The following RANBP2 variants were observed in gnomAD, a reference collection of about 807,000 sequenced individuals.
RANBP2 encodes the protein E3 SUMO-protein ligase RanBP2.
Under a neutral mutation model 303.6 loss-of-function variants are expected in RANBP2, and 57 were observed. The observed-to-expected ratio is 0.19, with a 90% CI of 0.15 to 0.23. The LOEUF (loss-of-function observed/expected upper bound fraction) is 0.23. RANBP2 is among the 10% of genes least tolerant of loss of function. RANBP2 has a pLI of 1.00. For synonymous variants in RANBP2, 1,167 were observed against 1,301.5 expected (o/e 0.90, Z 2.23); for missense variants, 3,138 against 3,780.8 (o/e 0.83, Z 4.46).
At chr2:109,250,439 A>C in the RANBP2 span, among the ~76,000 whole-genome samples, 1 of 152,006 alleles carries the variant, frequency 6.6e-6, no homozygotes, top group Non-Finnish European at 1.5e-5. Context: ...CATCATAATA[A>C]ATTTTGATAT....
chr2:109,470,428 TCTTC>T, the RANBP2 span, among the ~76,000 whole-genome samples: 2 of 152,212 alleles, frequency 1.3e-5, no homozygotes, highest in Non-Finnish European at 2.9e-5. Flanking sequence ...CAGAATTTGC[TCTTC>T]CTTATTGCAC....
the RANBP2 span, among the ~76,000 whole-genome samples, chr2:109,090,150 T>C: frequency 2.0e-5 from 3 of 151,868 alleles, no homozygotes; most frequent in Non-Finnish European, 4.4e-5. Flanking sequence ...AGTGAAAGCT[T>C]AGAACTTTCA....
At chr2:109,611,467 T>G in the RANBP2 span, among the ~76,000 whole-genome samples, 1 of 151,790 alleles carries the variant, frequency 6.6e-6, no homozygotes, top group African/African-American at 2.4e-5. Flanking sequence ...CTAAAAAACT[T>G]TAAACCCAAC....
At chr2:108,815,941 G>T in the RANBP2 span, 2 of 1,602,954 alleles carry the variant, frequency 1.2e-6, no homozygotes, top group Non-Finnish European at 1.7e-6. Flanking sequence ...TGACATATAG[G>T]TACCACTTAA....
chr2:108,962,456 G>A, the RANBP2 span, among the ~76,000 whole-genome samples: 6 of 152,144 alleles, frequency 3.9e-5, no homozygotes, highest in African/African-American at 1.4e-4. Context: ...GGTGGATCAT[G>A]AGGTCAGGAG....
At chr2:109,481,354 C>T in the RANBP2 span, among the ~76,000 whole-genome samples, 11 of 152,274 alleles carry the variant, frequency 7.2e-5, no homozygotes, top group African/African-American at 2.4e-4. Context: ...TGAGCAAATA[C>T]GGAAAAACAA....
the RANBP2 span, chr2:109,613,997 G>C: frequency 8.3e-7 from 1 of 1,201,420 alleles, no homozygotes; most frequent in Non-Finnish European, 1.0e-6. Context: ...GAGGCCTCCG[G>C]GGGCGGGGTT....
At chr2:109,064,545 T>C in the RANBP2 span, among the ~76,000 whole-genome samples, 66 of 151,798 alleles carry the variant, frequency 4.3e-4, no homozygotes, top group African/African-American at 1.4e-3. Flanking sequence ...TACCTTTAGA[T>C]GTGACCTGAA....
the RANBP2 span, chr2:109,491,005 G>T: frequency 1.5e-6 from 2 of 1,352,916 alleles, no homozygotes; most frequent in Non-Finnish European, 1.9e-6. Context: ...AGCCACCTTC[G>T]GGGAGCAGGG....
chr2:109,684,401 C>T, the RANBP2 span, among the ~76,000 whole-genome samples: 10 of 151,324 alleles, frequency 6.6e-5, no homozygotes, highest in South Asian at 2.1e-4. Flanking sequence ...CCACCACGGC[C>T]GGCTAATTTT....
At chr2:109,114,600 T>C in the RANBP2 span, among the ~76,000 whole-genome samples, 3 of 152,086 alleles carry the variant, frequency 2.0e-5, no homozygotes, top group African/African-American at 7.2e-5. Context: ...GATTCATTAA[T>C]TTTTTGAAGG....
chr2:108,783,387 A>G (rs1210139178), intron 28 of RANBP2, among the ~76,000 whole-genome samples: 1 of 149,440 alleles, frequency 6.7e-6, no homozygotes, highest in Non-Finnish European at 1.5e-5. Flanking sequence ...CTTGAGATCT[A>G]GTAGAAACTA....
chr2:108,772,935 T>C lies in RANBP2; in HGVS notation c.8181T>C (p.Asp2727=), dbSNP rs1184051493. The part of the protein sequence containing the change: ...KPTVEEKAKA[D]TLKLPPTFFC... ...CAGTTGAAGAGAAGGCAAAAGCAGATACGTTAAAACTTCCACCTACATTTT... is the reference window on the plus strand; with the variant it reads ...CAGTTGAAGAGAAGGCAAAAGCAGACACGTTAAAACTTCCACCTACATTTT... The change falls in exon 23 of 29, where the codon GAT becomes GAC. Residue 2727 remains aspartate, a synonymous_variant. Transcript: ENST00000283195. 2 of 1,613,988 alleles carry C rather than the reference T, an allele frequency of 1.2e-6. No individual in the cohort carries two copies. The highest frequency in any genetic ancestry group is 1.3e-5 in the African/African-American group (1 of 74,948).
the RANBP2 span, among the ~76,000 whole-genome samples, chr2:109,374,708 C>T: frequency 6.6e-6 from 1 of 152,246 alleles, no homozygotes; most frequent in Non-Finnish European, 1.5e-5. Flanking sequence ...CTCACGTAAG[C>T]TTGGATTGCA....
At chr2:108,988,627 T>C in the RANBP2 span, among the ~76,000 whole-genome samples, 1 of 152,124 alleles carries the variant, frequency 6.6e-6, no homozygotes, top group Non-Finnish European at 1.5e-5. Flanking sequence ...GGGGCAAACC[T>C]GAGAAACATA....
chr2:108,918,932 C>T, the RANBP2 span, among the ~76,000 whole-genome samples: 1 of 152,190 alleles, frequency 6.6e-6, no homozygotes, highest in African/African-American at 2.4e-5. Flanking sequence ...CCCCCAGTGG[C>T]AGATTCTGAA....
At chr2:109,321,462 T>A in the RANBP2 span, among the ~76,000 whole-genome samples, 3 of 152,254 alleles carry the variant, frequency 2.0e-5, no homozygotes, top group East Asian at 5.8e-4. Context: ...TATAGTATTT[T>A]TAAAATTAGA....
At chr2:109,255,399 T>C in the RANBP2 span, among the ~76,000 whole-genome samples, 1 of 152,158 alleles carries the variant, frequency 6.6e-6, no homozygotes, top group Non-Finnish European at 1.5e-5. Flanking sequence ...CCAGGGAATG[T>C]CTGGGTTGTT....
the RANBP2 span, among the ~76,000 whole-genome samples, chr2:108,863,695 A>G: frequency 6.6e-6 from 1 of 152,060 alleles, no homozygotes; most frequent in African/African-American, 2.4e-5. Flanking sequence ...TATCATCATT[A>G]TTTATTAAGG....
Sources: allele counts gnomAD v4.1 joint callset (sites outside exome capture counted in the v4.1 genomes callset), GRCh38; gene constraint gnomAD v4.1.1; transcripts MANE v1.5; gene names NCBI Gene and HGNC (gene_info 2026-07-23, HGNC 2026-07-21).